The following KIAA0319 variants were observed in gnomAD, a reference collection of about 807,000 sequenced individuals.
KIAA0319 encodes KIAA0319, also known as dyslexia-associated protein KIAA0319.
Under a neutral mutation model 108.4 loss-of-function variants are expected in KIAA0319, and 83 were observed. That is an observed-to-expected ratio of 0.77 (90% CI 0.64 to 0.92). The LOEUF is 0.92. KIAA0319 is among the 40% of genes least tolerant of loss of function. The pLI is 0.00. For synonymous variants in KIAA0319, 484 were observed against 510.4 expected (o/e 0.95, Z 0.70); for missense variants, 1,195 against 1,322.4 (o/e 0.90, Z 1.49).
At chr6:24,556,467 T>G in intron 18 of KIAA0319, 140 bp downstream of exon 18, 3 of 890,122 alleles carry the variant, frequency 3.4e-6, no homozygotes, top group Non-Finnish European at 3.3e-6. Context: ...ATGCCTGGCT[T>G]ATTTTGTTAT....
rs1225170222 is a variant in KIAA0319 at position 24,544,408 on chromosome 6, C to T, written c.*2757G>A. The T allele has an allele frequency of 6.6e-6, 1 of 152,078 alleles. No individual in the cohort carries two copies. Among genetic ancestry groups the T allele is most frequent in the Non-Finnish European group, 1.5e-5 (1 of 68,020 alleles). 9.4% of individuals were successfully genotyped at this position (152,078 alleles called of 1,614,324 possible). ...TGTGATATTAGAAATACCTTGTCAA[C>T]ACATAGGGAAAAATAATATATTTTA... is the stretch of plus-strand genomic sequence containing the variant. On this transcript the variant is annotated 3_prime_UTR_variant, in exon 21 of 21. Transcript: ENST00000378214.
chr6:24,576,457 T>G lies in KIAA0319; in HGVS notation c.1645A>C (p.Asn549His), dbSNP rs910031918. The change falls in exon 10 of 21, where the codon AAT becomes CAT. Residue 549 changes from asparagine to histidine, a missense_variant. Coordinates refer to ENST00000378214, the MANE Select transcript of KIAA0319 (RefSeq NM_014809.4). ...TGATCGTCACTGCTCTGGTTTCCAT[T>G]CAAAGTGATGGAGTTTTGGGGCAAA... ...ITLPQNSITL[N>H]GNQSSDDHQI... 1.2e-6 allele frequency: 2 copies of G among 1,614,020 alleles called. No individual in the cohort carries two copies. Among genetic ancestry groups the G allele is most frequent in the Non-Finnish European group, 1.7e-6 (2 of 1,180,022 alleles).
At chr6:24,595,558 A>AC (rs1554164820) in intron 3 of KIAA0319, among the ~76,000 whole-genome samples, 10 of 148,288 alleles carry the variant, frequency 6.7e-5, no homozygotes, top group Middle Eastern at 3.5e-3. Flanking sequence ...AAAAAAAAAA[A>AC]AAAAAAAAAA....
rs1333977906 is a variant in KIAA0319, at chr6:24,596,424, G to T, written c.250C>A (p.His84Asn). The T allele has an allele frequency of 6.8e-6, 11 of 1,614,054 alleles. No homozygotes were observed. The highest frequency in any genetic ancestry group is 2.2e-5 in the South Asian group (2 of 91,092). ...EGRCYLVSCP[H>N]KENCEPKKMG... is the part of the protein sequence containing the mutation. ...TTCTTGGGCTCACAGTTCTCTTTGT[G>T]GGGGCAGCTCACCAGGTAGCAGCGG... The change falls in exon 3 of 21, where the codon CAC (histidine) becomes AAC (asparagine). Residue 84 changes from histidine to asparagine, a missense_variant. Physicochemically the swap from His to Asn is moderately conservative, Grantham distance 68. Transcript: ENST00000378214.
chr6:24,601,937 T>C (rs1207892682), intron 1 of KIAA0319, among the ~76,000 whole-genome samples: 6 of 152,162 alleles, frequency 3.9e-5, no homozygotes, highest in Non-Finnish European at 8.8e-5. Context: ...TTATATTTCA[T>C]CTGGCCATTG....
intron 3 of KIAA0319, 79 bp from the exon 4 acceptor site, chr6:24,588,864 C>T: frequency 1.7e-6 from 2 of 1,173,758 alleles, no homozygotes; most frequent in Non-Finnish European, 1.2e-6. Flanking sequence ...TGTTACCAAC[C>T]TTTTTCATAA....
At chr6:24,590,903 AG>A (rs1316111864) in intron 3 of KIAA0319, among the ~76,000 whole-genome samples, 6 of 152,218 alleles carry the variant, frequency 3.9e-5, no homozygotes, top group African/African-American at 7.2e-5. Flanking sequence ...ACCCCTCCAA[AG>A]AAAAATCAAT....
intron 18 of KIAA0319, 93 bp from the exon 19 acceptor site, chr6:24,554,724 T>G (rs1762053497): frequency 1.1e-6 from 1 of 931,850 alleles, no homozygotes; most frequent in African/African-American, 1.6e-5. Flanking sequence ...TCTGAATCCC[T>G]ACAAGGAAAG....
intron 20 of KIAA0319, among the ~76,000 whole-genome samples, chr6:24,551,028 T>C (rs1476397615): frequency 1.3e-5 from 2 of 152,158 alleles, no homozygotes; most frequent in Non-Finnish European, 2.9e-5. Context: ...GCCCAAGCTG[T>C]AGTGCAGAGG....
In KIAA0319 at chr6:24,544,288, T is replaced by TA. The variant is rs1401482249; in HGVS notation, c.*2876dup. 9 of 152,210 alleles carry TA rather than the reference T, an allele frequency of 5.9e-5. No individual in the cohort carries two copies. The highest frequency in any genetic ancestry group is 1.2e-4 in the Non-Finnish European group (8 of 68,036). 9.4% of individuals were successfully genotyped at this position (152,210 alleles called of 1,614,324 possible). On this transcript the variant is annotated 3_prime_UTR_variant, in exon 21 of 21. Coordinates refer to ENST00000378214, the MANE Select transcript of KIAA0319 (RefSeq NM_014809.4). Reference sequence around the variant, plus strand: ...GACCTATACTCAAGGGAAATCCCTCTACCCTGAAGCATAAAGAAAACAAAT... The same window carrying TA: ...GACCTATACTCAAGGGAAATCCCTCTAACCCTGAAGCATAAAGAAAACAAAT...
chr6:24,613,400 G>A (rs982141488), intron 1 of KIAA0319, among the ~76,000 whole-genome samples: 26 of 152,050 alleles, frequency 1.7e-4, no homozygotes, highest in Admixed American at 1.4e-3. Flanking sequence ...TTATTATAGT[G>A]TTTTGTCTGG....
intron 1 of KIAA0319, among the ~76,000 whole-genome samples, chr6:24,609,175 C>T (rs542682278): frequency 1.2e-3 from 171 of 139,084 alleles, no homozygotes; most frequent in Middle Eastern, 4.6e-3. Flanking sequence ...GGCTGAGGCA[C>T]GAGAATTGCT....
chr6:24,597,772 G>T (rs989436635), intron 2 of KIAA0319, among the ~76,000 whole-genome samples: 3 of 151,730 alleles, frequency 2.0e-5, no homozygotes, highest in African/African-American at 7.3e-5. Flanking sequence ...GATAAAGAAG[G>T]CTGAGTGTGA....
chr6:24,591,880 T>C (rs543301536), intron 3 of KIAA0319, among the ~76,000 whole-genome samples: 44 of 152,292 alleles, frequency 2.9e-4, no homozygotes, highest in African/African-American at 9.6e-4. Flanking sequence ...CATGTTTGAG[T>C]TGGGTTATTT....
At chr6:24,625,096 T>A (rs1562093306) in intron 1 of KIAA0319, among the ~76,000 whole-genome samples, 1 of 152,240 alleles carries the variant, frequency 6.6e-6, no homozygotes, top group Non-Finnish European at 1.5e-5. Flanking sequence ...AAAAGAATTG[T>A]ATAATACAGT....
At chr6:24,577,971 C>A (rs371221458) in intron 9 of KIAA0319, 139 bp downstream of exon 9, 21 of 702,954 alleles carry the variant, frequency 3.0e-5, no homozygotes, top group African/African-American at 5.4e-5. Flanking sequence ...GAGTCTCCAG[C>A]GGCATGCAAC....
chr6:24,578,301 T>C, intron 8 of KIAA0319, 59 bp from the exon 9 acceptor site: 1 of 1,288,618 alleles, frequency 7.8e-7, no homozygotes, highest in Non-Finnish European at 1.1e-6. Flanking sequence ...ACATAAGTTT[T>C]ATACTTTAAT....
intron 10 of KIAA0319, among the ~76,000 whole-genome samples, 180 bp downstream of exon 10, chr6:24,576,188 G>A (rs1046530808): frequency 1.3e-5 from 2 of 152,190 alleles, no homozygotes; most frequent in Non-Finnish European, 2.9e-5. Flanking sequence ...GTGGGCGAGG[G>A]GAAGGGATGT....
intron 3 of KIAA0319, among the ~76,000 whole-genome samples, chr6:24,592,877 T>C (rs1017951982): frequency 1.3e-5 from 2 of 152,022 alleles, no homozygotes; most frequent in Non-Finnish European, 2.9e-5. Context: ...GGGGCTGAGT[T>C]GGGAGGACTG....
Sources: allele counts gnomAD v4.1 joint callset (sites outside exome capture counted in the v4.1 genomes callset), GRCh38; gene constraint gnomAD v4.1.1; transcripts MANE v1.5; gene names NCBI Gene and HGNC (gene_info 2026-07-23, HGNC 2026-07-21).